Variants in PLCL2 observed in about 807,000 individuals in gnomAD.
PLCL2 encodes the protein inactive phospholipase C-like protein 2.
A neutral mutation model predicts 79.6 loss-of-function variants in PLCL2; 4 were observed. The observed-to-expected ratio is 0.05, with a 90% CI of 0.02 to 0.11. The LOEUF (loss-of-function observed/expected upper bound fraction) is 0.11. Ranked by LOEUF, PLCL2 falls within the 10% of genes least tolerant of loss-of-function variation. The probability of loss-of-function intolerance (pLI) is 1.00; values close to 1 mark genes in which losing one functional copy is unlikely to be tolerated. For missense variants in PLCL2, 895 were observed against 1,291.0 expected (o/e 0.69, Z 4.70); for synonymous variants, 484 against 457.7 (o/e 1.06, Z -0.73).
rs1460093040 is a variant in PLCL2, at chr3:17,090,143, G to C, written c.*231G>C. 8.2e-7 allele frequency: 1 copy of C among 1,225,330 alleles called. No individual in the cohort carries two copies. The highest frequency in any genetic ancestry group is 1.5e-5 in the African/African-American group (1 of 64,580). The allele number at this position is 1,225,330 out of a possible 1,614,324, so 75.9% of individuals were successfully genotyped here. On this transcript the variant is annotated 3_prime_UTR_variant, in exon 6 of 6. Transcript: ENST00000615277. ...TTGCTGGCCAAAATATGCTATATTT[G>C]TATACAAAGACATTCTAACTCAGTT...
chr3:16,887,208 AT>A lies in PLCL2; in HGVS notation c.327+1843del, dbSNP rs1696246682. On this transcript the variant is annotated intron_variant, in intron 1 of 5. Coordinates refer to ENST00000615277, the MANE Select transcript of PLCL2 (RefSeq NM_001144382.2). This position sits in a 1 kb window ranked among gnomAD's most constrained non-coding sequence, Gnocchi z 4.1. ...GATTTTAGAAATGATATTGATACTTATGTTGAATTCTGAAACTTTTAAGGAT... is the reference window on the plus strand; with the variant it reads ...GATTTTAGAAATGATATTGATACTTAGTTGAATTCTGAAACTTTTAAGGAT... Among the ~76,000 whole-genome samples the A allele has an allele frequency of 6.6e-6, 1 of 152,210 alleles. No homozygotes were observed. The highest frequency in any genetic ancestry group is 1.5e-5 in the Non-Finnish European group (1 of 68,026).
At chr3:16,939,977 A>G (rs1427426837) in intron 1 of PLCL2, among the ~76,000 whole-genome samples, 1 of 152,178 alleles carries the variant, frequency 6.6e-6, no homozygotes, top group East Asian at 1.9e-4. Flanking sequence ...GAAGAGTCAT[A>G]CTATTTTTAA....
chr3:16,932,913 T>C (rs1190925259), intron 1 of PLCL2, among the ~76,000 whole-genome samples: 1 of 152,254 alleles, frequency 6.6e-6, no homozygotes, highest in African/African-American at 2.4e-5. Flanking sequence ...TTCCTTCTTC[T>C]TCTTTTCTTT....
intron 1 of PLCL2, among the ~76,000 whole-genome samples, chr3:16,994,379 A>G (rs1259830096): frequency 5.3e-5 from 8 of 152,148 alleles, no homozygotes. Context: ...TTAAAAAAAA[A>G]TGGAGCTTAC....
chr3:17,041,625 G>A (rs1376044178), intron 3 of PLCL2, among the ~76,000 whole-genome samples: 1 of 152,114 alleles, frequency 6.6e-6, no homozygotes, highest in East Asian at 1.9e-4. Flanking sequence ...AATTACTATG[G>A]CAATTAGTGA....
chr3:17,023,778 T>G (rs535415907), intron 3 of PLCL2, among the ~76,000 whole-genome samples: 1 of 152,330 alleles, frequency 6.6e-6, no homozygotes, highest in East Asian at 1.9e-4. Context: ...AGCAAAAATC[T>G]AATTTGACCT....
At chr3:16,947,892 A>G (rs1167202046) in intron 1 of PLCL2, among the ~76,000 whole-genome samples, 2 of 152,362 alleles carry the variant, frequency 1.3e-5, no homozygotes, top group East Asian at 3.9e-4. Flanking sequence ...TTAATATTAC[A>G]TCAATAATTA....
At chr3:16,973,721 T>A (rs1236660786) in intron 1 of PLCL2, among the ~76,000 whole-genome samples, 2 of 152,210 alleles carry the variant, frequency 1.3e-5, no homozygotes, top group Admixed American at 1.3e-4. Context: ...TTTACTTTCA[T>A]ATACTCATTC....
At chr3:16,894,697 G>T (rs1696431833) in intron 1 of PLCL2, among the ~76,000 whole-genome samples, 1 of 151,954 alleles carries the variant, frequency 6.6e-6, no homozygotes, top group South Asian at 2.1e-4. Context: ...TTCTCTCATG[G>T]CTAATGATGT....
In PLCL2 at chr3:17,011,908, G is replaced by A. The variant is rs1458449864; in HGVS notation, c.2562G>A (p.Thr854=). Residue 854 remains threonine (T), a synonymous_variant, in exon 2 of 6, where the codon ACG becomes ACA. Transcript: ENST00000615277. This position sits in a 1 kb window ranked among gnomAD's most constrained non-coding sequence, Gnocchi z 7.9. ...QYTIPFECLQ[T]GYRHVPLQSL... ...CAATTCCCTTTGAATGTTTACAGAC[G>A]GGCTACCGCCATGTCCCCCTGCAGT... 13 of 1,614,172 alleles carry A rather than the reference G, an allele frequency of 8.1e-6. No individual in the cohort carries two copies. Among genetic ancestry groups the A allele is most frequent in the South Asian group, 1.1e-5 (1 of 91,086 alleles).
At chr3:17,056,081 A>G (rs1033930102) in intron 4 of PLCL2, among the ~76,000 whole-genome samples, 3 of 152,154 alleles carry the variant, frequency 2.0e-5, no homozygotes, top group African/African-American at 7.2e-5. Flanking sequence ...AGTCTCTGAA[A>G]GCATCCCCTT....
intron 5 of PLCL2, among the ~76,000 whole-genome samples, chr3:17,084,059 G>A (rs1236955836): frequency 7.9e-5 from 12 of 152,090 alleles, no homozygotes; most frequent in Non-Finnish European, 1.8e-4. Context: ...AGCTAACTAA[G>A]AAAGAGATGA....
At chr3:16,928,835 T>C (rs1243290384) in intron 1 of PLCL2, among the ~76,000 whole-genome samples, 2 of 152,228 alleles carry the variant, frequency 1.3e-5, no homozygotes, top group Non-Finnish European at 2.9e-5. Context: ...TCCTTATTAT[T>C]ATCAAATGAC....
intron 4 of PLCL2, among the ~76,000 whole-genome samples, chr3:17,054,894 C>A (rs1030123455): frequency 3.3e-5 from 5 of 152,168 alleles, no homozygotes; most frequent in Admixed American, 6.5e-5. Flanking sequence ...CATGTCCCTG[C>A]TGTGTGACTT....
chr3:16,980,703 G>A (rs556431269), intron 1 of PLCL2, among the ~76,000 whole-genome samples: 43 of 152,302 alleles, frequency 2.8e-4, no homozygotes, highest in African/African-American at 9.9e-4. Flanking sequence ...GGGCGGCCAG[G>A]CGGAGACGCC....
At chr3:16,897,057 C>G (rs568076070) in intron 1 of PLCL2, among the ~76,000 whole-genome samples, 55 of 152,218 alleles carry the variant, frequency 3.6e-4, no homozygotes, top group African/African-American at 1.3e-3. Context: ...TCCCGGAATC[C>G]TGCAGATGAT....
At chr3:16,997,419 TTA>T (rs1193538569) in intron 1 of PLCL2, among the ~76,000 whole-genome samples, 1 of 145,326 alleles carries the variant, frequency 6.9e-6, no homozygotes, top group Non-Finnish European at 1.5e-5. Context: ...GGTTTGGAAC[TTA>T]TGAGTGTTTT....
intron 1 of PLCL2, among the ~76,000 whole-genome samples, chr3:16,956,497 T>G (rs1240601066): frequency 3.3e-5 from 5 of 152,118 alleles, no homozygotes; most frequent in Non-Finnish European, 5.9e-5. Context: ...TCTCTTTTTT[T>G]GTTGTGTCTC....
chr3:16,959,321 T>G (rs2063734063), intron 1 of PLCL2, among the ~76,000 whole-genome samples: 1 of 152,204 alleles, frequency 6.6e-6, no homozygotes, highest in African/African-American at 2.4e-5. Flanking sequence ...TTCCACCAAT[T>G]TACTGAACAA....
Sources: allele counts gnomAD v4.1 joint callset (sites outside exome capture counted in the v4.1 genomes callset), GRCh38; gene constraint gnomAD v4.1.1; non-coding constraint Gnocchi (gnomAD v3.1); transcripts MANE v1.5; gene names NCBI Gene and HGNC (gene_info 2026-07-23, HGNC 2026-07-21).